The following FOSL2 variants were observed in gnomAD, a reference collection of about 807,000 sequenced individuals.
FOSL2 encodes FOS like 2, AP-1 transcription factor subunit, also known as fos-related antigen 2.
In FOSL2, 3 loss-of-function variants were observed where a neutral mutation model predicts 27.7. The ratio of observed to expected loss-of-function variants is 0.11; its 90% confidence interval spans 0.05 to 0.28. The LOEUF (loss-of-function observed/expected upper bound fraction) is 0.28, where lower values mean the gene tolerates loss of function less well. Ranked by LOEUF, FOSL2 falls within the 10% of genes least tolerant of loss-of-function variation. The probability of loss-of-function intolerance (pLI) is 1.00; values close to 1 mark genes in which losing one functional copy is unlikely to be tolerated. For missense variants in FOSL2, 333 were observed against 445.1 expected (o/e 0.75, Z 2.27); for synonymous variants, 179 against 190.1 (o/e 0.94, Z 0.48).
At chr2:28,396,567 G>T (rs1018690293) in intron 1 of FOSL2, among the ~76,000 whole-genome samples, 1 of 151,752 alleles carries the variant, frequency 6.6e-6, no homozygotes, top group South Asian at 2.1e-4. Context: ...TGAGCATTAC[G>T]CAATCCAGCC....
At position 28,414,153 on chromosome 2, in the gene FOSL2, T is replaced by G; in HGVS notation, c.*1705T>G. The G allele has an allele frequency of 3.7e-6, 1 of 272,580 alleles. No homozygotes were observed. The highest frequency in any genetic ancestry group is 6.9e-6 in the Non-Finnish European group (1 of 145,762). 16.9% of individuals were successfully genotyped at this position (272,580 alleles called of 1,614,324 possible). Reference sequence around the variant, plus strand: ...GGGGATTCAGCTCTAGAGGTCACAGTATCCTCGTTTGAAAGATAATTAAGA... The same window carrying G: ...GGGGATTCAGCTCTAGAGGTCACAGGATCCTCGTTTGAAAGATAATTAAGA... On this transcript the variant is annotated 3_prime_UTR_variant, in exon 4 of 4. Coordinates refer to ENST00000264716, the MANE Select transcript of FOSL2 (RefSeq NM_005253.4).
chr2:28,396,789 GACACACACACACACACACACACACAC>G (rs60104109), intron 1 of FOSL2: 1 of 112,228 alleles, frequency 8.9e-6, no homozygotes, highest in African/African-American at 4.1e-5. Context: ...CCCTTCCCAA[GACACACACACACACACACACACACAC>G]ACACACACAC....
rs1242304708 is a variant in FOSL2, at chr2:28,416,066, G to A, written c.*3618G>A. On this transcript the variant is annotated 3_prime_UTR_variant, in exon 4 of 4. Transcript: ENST00000264716. ...GAGTCTTTGCTACCTTCTGCTTGTT[G>A]AGTTGTTTTGGCATTCATATTAAAA... is the stretch of plus-strand genomic sequence containing the variant. 1 of 151,974 alleles carries A rather than the reference G, an allele frequency of 6.6e-6. No homozygotes were observed. Among genetic ancestry groups the A allele is most frequent in the Admixed American group, 6.6e-5 (1 of 15,238 alleles). 9.4% of individuals were successfully genotyped at this position (151,974 alleles called of 1,614,324 possible).
chr2:28,407,224 C>T (rs1021382213), intron 2 of FOSL2, among the ~76,000 whole-genome samples: 8 of 152,188 alleles, frequency 5.3e-5, no homozygotes, highest in African/African-American at 1.4e-4. Context: ...CCCTGGTGGC[C>T]CTTTCAGTGG....
rs770288132 is a variant in FOSL2 at position 28,408,754 on chromosome 2, T to C, written c.355-5T>C. 13 of 1,604,336 alleles carry C rather than the reference T, an allele frequency of 8.1e-6. No homozygotes were observed. The highest frequency in any genetic ancestry group is 1.7e-4 in the Middle Eastern group (1 of 6,050). ...CTAACCATGATCCTTGGCTTTGGCC[T>C]CTAGCTGTCTCCTGAAGAGGAGGAG... On this transcript the variant is annotated splice_polypyrimidine_tract_variant and splice_region_variant and intron_variant, in intron 2 of 3. Transcript: ENST00000264716. The surrounding 1 kb of genome is among the most constrained non-coding windows in gnomAD (Gnocchi z 4.1).
chr2:28,409,859 G>T (rs576504150), intron 3 of FOSL2, among the ~76,000 whole-genome samples: 15 of 152,294 alleles, frequency 9.8e-5, no homozygotes, highest in African/African-American at 3.6e-4. Context: ...TCCTGCCTCA[G>T]CCTCCCAACT....
intron 1 of FOSL2, among the ~76,000 whole-genome samples, chr2:28,395,993 A>G (rs1444353133): frequency 2.0e-5 from 3 of 152,156 alleles, no homozygotes; most frequent in African/African-American, 7.2e-5. Context: ...ACTTTACTAC[A>G]TACCAGATAA....
rs1316344944 is a variant in FOSL2 at position 28,415,490 on chromosome 2, TG to T, written c.*3043del. 1 of 152,234 alleles carries T rather than the reference TG, an allele frequency of 6.6e-6. No homozygotes were observed. Among genetic ancestry groups the T allele is most frequent in the Non-Finnish European group, 1.5e-5 (1 of 68,040 alleles). The allele number at this position is 152,234 out of a possible 1,614,324, so 9.4% of individuals were successfully genotyped here. A position where few individuals can be genotyped will look rare whatever the true frequency, so the allele number is the denominator to read the frequency against. On this transcript the variant is annotated 3_prime_UTR_variant, in exon 4 of 4. Coordinates refer to ENST00000264716, the MANE Select transcript of FOSL2 (RefSeq NM_005253.4). ...AAAAGCCATCTGGGGCTGCTGCTTC[TG>T]TTTCTCAGGCTCTGGGGAAAGGAAT... is the stretch of plus-strand genomic sequence containing the variant.
intron 1 of FOSL2, chr2:28,396,815 C>CACACACACACACAA (rs1553376567): frequency 1.3e-4 from 19 of 151,744 alleles, no homozygotes; most frequent in African/African-American, 4.6e-4. Flanking sequence ...CACACACACA[C>CACACACACACACAA]ACACACACAC....
At chr2:28,396,171 T>C (rs1002639398) in intron 1 of FOSL2, among the ~76,000 whole-genome samples, 1 of 152,130 alleles carries the variant, frequency 6.6e-6, no homozygotes, top group African/African-American at 2.4e-5. Flanking sequence ...CTCTCTCTTT[T>C]GGGGGTCCAA....
chr2:28,399,264 C>T (rs2148080421), intron 1 of FOSL2, among the ~76,000 whole-genome samples: 1 of 152,314 alleles, frequency 6.6e-6, no homozygotes, highest in South Asian at 2.1e-4. Flanking sequence ...CAGTTCTGCC[C>T]ACTCACGAGT....
intron 2 of FOSL2, among the ~76,000 whole-genome samples, chr2:28,405,680 ACTT>A (rs978771294): frequency 5.3e-5 from 8 of 152,090 alleles, no homozygotes; most frequent in Admixed American, 3.9e-4. Flanking sequence ...TGTATCCACT[ACTT>A]GTTGGTTTGT....
rs1664137854 is a variant in FOSL2 at position 28,408,926 on chromosome 2, G to A, written c.462+60G>A. The A allele has an allele frequency of 8.5e-7, 1 of 1,177,022 alleles. No homozygotes were observed. The highest frequency in any genetic ancestry group is 1.5e-5 in the African/African-American group (1 of 65,036). The allele number at this position is 1,177,022 out of a possible 1,614,324, so 72.9% of individuals were successfully genotyped here. ...GGTGGGCTGGAGTGAGAGCCCCGGG[G>A]GTCCTGATCCTCTCTCCCACAGCTG... On this transcript the variant is annotated intron_variant, in intron 3 of 3. Transcript: ENST00000264716. The surrounding 1 kb of genome is among the most constrained non-coding windows in gnomAD (Gnocchi z 4.1).
In FOSL2 at chr2:28,393,409, G is replaced by A. The variant is rs1380820479; in HGVS notation, c.-312G>A. On this transcript the variant is annotated 5_prime_UTR_variant, in exon 1 of 4. Coordinates refer to ENST00000264716, the MANE Select transcript of FOSL2 (RefSeq NM_005253.4). The surrounding 1 kb of genome is among the most constrained non-coding windows in gnomAD (Gnocchi z 4.6). The stretch of plus-strand genomic sequence containing the variant: ...CTGAGCTCCGGCTGCGCGCGGGGGC[G>A]GGAGGGCGCGCGCAGGGGAGGGACC... 8.9e-6 allele frequency: 3 copies of A among 336,594 alleles called. No homozygotes were observed. The highest frequency in any genetic ancestry group is 8.2e-5 in the South Asian group (2 of 24,514). The allele number at this position is 336,594 out of a possible 1,614,324, so 20.9% of individuals were successfully genotyped here. A position where few individuals can be genotyped will look rare whatever the true frequency, so the allele number is the denominator to read the frequency against.
At position 28,393,618 on chromosome 2, in the gene FOSL2, G is replaced by A. The variant is rs1169608206; in HGVS notation, c.-103G>A. 10 of 819,440 alleles carry A rather than the reference G, an allele frequency of 1.2e-5. No individual in the cohort carries two copies. The South Asian group carries it at 1.7e-4, about 14-fold the overall frequency. 50.8% of individuals were successfully genotyped at this position (819,440 alleles called of 1,614,324 possible). A position where few individuals can be genotyped will look rare whatever the true frequency, so the allele number is the denominator to read the frequency against. ...CCAGGAGCGAAGCCCAGAGCCCGCG[G>A]CGCGGCCGGCGGACGAACGAGCGCG... On this transcript the variant is annotated 5_prime_UTR_variant, in exon 1 of 4. Transcript: ENST00000264716. The surrounding 1 kb of genome is among the most constrained non-coding windows in gnomAD (Gnocchi z 4.6).
Position 28,416,156 on chromosome 2 carries a change from A to T in FOSL2, c.*3708A>T, listed in dbSNP as rs1355577179. 6.6e-6 allele frequency: 1 copy of T among 152,086 alleles called. No homozygotes were observed. Among genetic ancestry groups the T allele is most frequent in the African/African-American group, 2.4e-5 (1 of 41,392 alleles). 9.4% of individuals were successfully genotyped at this position (152,086 alleles called of 1,614,324 possible). A position where few individuals can be genotyped will look rare whatever the true frequency, so the allele number is the denominator to read the frequency against. On this transcript the variant is annotated 3_prime_UTR_variant, in exon 4 of 4. Coordinates refer to ENST00000264716, the MANE Select transcript of FOSL2 (RefSeq NM_005253.4). ...TGTGCGCATGTGTGTATACATTTCC[A>T]GGCGTGCCTGTGTCCTGTAGCTTTT... is the stretch of plus-strand genomic sequence containing the variant.
intron 2 of FOSL2, among the ~76,000 whole-genome samples, chr2:28,405,535 G>A (rs954718795): frequency 1.3e-5 from 2 of 152,084 alleles, no homozygotes; most frequent in Non-Finnish European, 2.9e-5. Flanking sequence ...TCCAATATAC[G>A]GACCTTTCAA....
At position 28,408,551 on chromosome 2, in the gene FOSL2, G is replaced by T. The variant is rs10171622; in HGVS notation, c.355-208G>T. Among the ~76,000 whole-genome samples, 5,581 of 152,286 alleles carry T rather than the reference G, an allele frequency of 0.037. 328 individuals carry two copies. The highest frequency in any genetic ancestry group is 0.13 in the African/African-American group (5,285 of 41,520). ...AACTTGGACATCACCTTCCGGGGCA[G>T]ATTCAGCTCAAAAGAGCCCTCCCAG... On this transcript the variant is annotated intron_variant, in intron 2 of 3. Transcript: ENST00000264716. The surrounding 1 kb of genome is among the most constrained non-coding windows in gnomAD (Gnocchi z 4.1).
intron 1 of FOSL2, among the ~76,000 whole-genome samples, chr2:28,394,188 A>G (rs1035175379): frequency 3.0e-5 from 4 of 132,732 alleles, no homozygotes; most frequent in South Asian, 2.7e-4. Flanking sequence ...TGGTGGACAG[A>G]CAAGAAAATC....
Sources: gnomAD v4.1 joint callset for allele counts (sites outside exome capture counted in the v4.1 genomes callset) on GRCh38, gnomAD v4.1.1 for gene constraint, Gnocchi (gnomAD v3.1) non-coding constraint, MANE v1.5 for transcripts, NCBI Gene and HGNC (gene_info 2026-07-23, HGNC 2026-07-21) for gene names.